Variants in CCDC77 observed in about 807,000 individuals in gnomAD.
The protein encoded by CCDC77 is coiled-coil domain containing 77.
Under a neutral mutation model 66.8 loss-of-function variants are expected in CCDC77, and 56 were observed. The ratio of observed to expected loss-of-function variants is 0.84; its 90% confidence interval spans 0.68 to 1.05. The LOEUF is 1.05. CCDC77 is among the 50% of genes least tolerant of loss of function. The pLI is 0.00. For missense variants in CCDC77, 570 were observed against 576.8 expected, an observed-to-expected ratio of 0.99 and a Z score of 0.12; for synonymous variants, 196 against 195.2, an observed-to-expected ratio of 1.00 and a Z score of -0.03.
rs1945065708 is a variant in CCDC77 at position 409,525 on chromosome 12, T to C, written c.38+104T>C. ...GTATTGGAAACATATTTCCTAAAGTTTTTTTTCTTTGAGACAGAGTTTCAC... is the reference window on the plus strand; with the variant it reads ...GTATTGGAAACATATTTCCTAAAGTCTTTTTTCTTTGAGACAGAGTTTCAC... On this transcript the variant is annotated intron_variant, in intron 3 of 12. Transcript: ENST00000239830. 3 of 1,126,016 alleles carry C rather than the reference T, an allele frequency of 2.7e-6. No homozygotes were observed. The South Asian group carries it at 3.9e-5, about 15-fold the overall frequency. 69.8% of individuals were successfully genotyped at this position (1,126,016 alleles called of 1,614,324 possible).
intron 7 of CCDC77, 134 bp from the exon 8 acceptor site, chr12:431,732 C>T: frequency 1.7e-6 from 1 of 588,416 alleles, no homozygotes. Context: ...CGAATCCCTT[C>T]ATTAGTGAGA....
At chr12:414,553 G>A (rs191300286) in intron 4 of CCDC77, among the ~76,000 whole-genome samples, 16 of 152,016 alleles carry the variant, frequency 1.1e-4, no homozygotes, top group Admixed American at 2.0e-4. Context: ...TTCTGCATAC[G>A]GGATGATGAC....
chr12:410,132 G>A (rs1341403580), intron 3 of CCDC77, among the ~76,000 whole-genome samples: 1 of 152,086 alleles, frequency 6.6e-6, no homozygotes, highest in Non-Finnish European at 1.5e-5. Context: ...TATTACAAGT[G>A]AGCACATATA....
At position 438,360 on chromosome 12, in the gene CCDC77, T is replaced by C; in HGVS notation, c.847T>C (p.Tyr283His). 6.2e-7 allele frequency: 1 copy of C among 1,614,056 alleles called. No individual in the cohort carries two copies. The highest frequency in any genetic ancestry group is 8.5e-7 in the Non-Finnish European group (1 of 1,179,944). ...TCTTCACCACACCCAAGAACTGCTC[T>C]ATGAGAGCACCAAAGATTTTCTGCA... ...KNLHHTQELL[Y>H]ESTKDFLQLR... Residue 283 changes from tyrosine (Y) to histidine (H), a missense_variant, in exon 10 of 13, where the codon TAT becomes CAT. Transcript: ENST00000239830.
chr12:422,806 G>A (rs1310049329), intron 5 of CCDC77, among the ~76,000 whole-genome samples: 2 of 152,122 alleles, frequency 1.3e-5, no homozygotes, highest in African/African-American at 4.8e-5. Flanking sequence ...TAGAGACAGG[G>A]TTCTGCCATG....
intron 1 of CCDC77, among the ~76,000 whole-genome samples, chr12:392,186 G>A (rs1565558807): frequency 6.6e-6 from 1 of 151,912 alleles, no homozygotes; most frequent in Non-Finnish European, 1.5e-5. Context: ...AAAAAAATTA[G>A]AGTATTATTT....
intron 5 of CCDC77, among the ~76,000 whole-genome samples, chr12:422,215 T>C (rs1945411523): frequency 6.6e-6 from 1 of 150,882 alleles, no homozygotes; most frequent in South Asian, 2.1e-4. Context: ...AGCAGCACAC[T>C]CCATGCTCCA....
At chr12:416,367 GTGTGTGTGTGTATATATATA>G (rs1565569074) in intron 4 of CCDC77, among the ~76,000 whole-genome samples, 639 of 30,158 alleles carry the variant, frequency 0.021, 5 homozygotes, top group Non-Finnish European at 0.024. Flanking sequence ...GTGTGTGTGT[GTGTGTGTGTGTATATATATA>G]TATATATATA....
intron 4 of CCDC77, among the ~76,000 whole-genome samples, chr12:414,534 G>C (rs762127147): frequency 4.0e-5 from 6 of 151,840 alleles, no homozygotes; most frequent in Non-Finnish European, 7.4e-5. Context: ...TTTTATCCTT[G>C]TATTACACTT....
At chr12:406,418 A>G (rs150275104) in intron 2 of CCDC77, among the ~76,000 whole-genome samples, 3,746 of 152,292 alleles carry the variant, frequency 0.025, 75 homozygotes, top group Middle Eastern at 0.041. Context: ...GGCACGTTTG[A>G]AGAACAGCCA....
At chr12:422,605 T>C (rs1945424508) in intron 5 of CCDC77, among the ~76,000 whole-genome samples, 3 of 152,264 alleles carry the variant, frequency 2.0e-5, no homozygotes, top group Admixed American at 2.0e-4. Flanking sequence ...ATTTTCTTCC[T>C]TTTTAAGACT....
intron 1 of CCDC77, among the ~76,000 whole-genome samples, chr12:394,070 C>T (rs868492462): frequency 6.6e-6 from 1 of 152,182 alleles, no homozygotes; most frequent in Non-Finnish European, 1.5e-5. Context: ...CACTTGAAAG[C>T]TCAAATTTTA....
intron 1 of CCDC77, among the ~76,000 whole-genome samples, chr12:404,209 G>A (rs912361393): frequency 6.6e-6 from 1 of 152,334 alleles, no homozygotes; most frequent in East Asian, 1.9e-4. Flanking sequence ...CCAGCCACTG[G>A]GGAGGCTGAG....
chr12:423,500 T>TTTTTTTTTTTTTTG (rs1945471339), intron 5 of CCDC77, among the ~76,000 whole-genome samples: 1 of 83,776 alleles, frequency 1.2e-5, no homozygotes, highest in Non-Finnish European at 2.3e-5. Context: ...TTTTGTTTTT[T>TTTTTTTTTTTTTTG]TTTTTTTTTT....
chr12:428,460 A>G (rs146941961), intron 5 of CCDC77, among the ~76,000 whole-genome samples: 3,519 of 143,826 alleles, frequency 0.024, 112 homozygotes, highest in African/African-American at 0.074. Context: ...GCAGTGAGCC[A>G]AGACCGCACC....
chr12:440,555 C>G, intron 10 of CCDC77, 62 bp from the exon 11 acceptor site: 1 of 1,575,648 alleles, frequency 6.3e-7, no homozygotes, highest in Non-Finnish European at 8.7e-7. Flanking sequence ...TGCCTAAAAG[C>G]TACTTGAATT....
At chr12:423,114 CTT>C (rs139334337) in intron 5 of CCDC77, among the ~76,000 whole-genome samples, 2,283 of 73,740 alleles carry the variant, frequency 0.031, 5 homozygotes, top group African/African-American at 0.12. Context: ...TCTTTTAAGC[CTT>C]TTTTTTTTTT....
chr12:396,522 C>T (rs1944830419), intron 1 of CCDC77, among the ~76,000 whole-genome samples: 1 of 152,094 alleles, frequency 6.6e-6, no homozygotes, highest in African/African-American at 2.4e-5. Flanking sequence ...AAATAATATG[C>T]CATTTATGTA....
At chr12:407,889 G>A (rs1323329761) in intron 2 of CCDC77, among the ~76,000 whole-genome samples, 5 of 140,322 alleles carry the variant, frequency 3.6e-5, no homozygotes, top group East Asian at 2.2e-4. Flanking sequence ...CCAGGTTCAC[G>A]CCACTCTCCT....
Sources: allele counts gnomAD v4.1 joint callset (sites outside exome capture counted in the v4.1 genomes callset), GRCh38; gene constraint gnomAD v4.1.1; transcripts MANE v1.5; gene names NCBI Gene and HGNC (gene_info 2026-07-23, HGNC 2026-07-21).